Variants in ANK2 observed in about 807,000 individuals in gnomAD.
ANK2 encodes ankyrin 2.
Under a neutral mutation model 360.5 loss-of-function variants are expected in ANK2, and 83 were observed. That is an observed-to-expected ratio of 0.23 (90% CI 0.19 to 0.28). ANK2 has a LOEUF of 0.28. ANK2 is among the 10% of genes least tolerant of loss of function. The pLI is 1.00. For synonymous variants in ANK2, 1,740 were observed against 1,759.5 expected (o/e 0.99, Z 0.28); for missense variants, 4,201 against 4,795.7 (o/e 0.88, Z 3.66).
chr4:113,239,844 A>G lies in ANK2; in HGVS notation c.694-641A>G, dbSNP rs143318494. Among the ~76,000 whole-genome samples, 802 of 152,204 alleles carry G rather than the reference A, an allele frequency of 5.3e-3. 6 individuals carry two copies. The highest frequency in any genetic ancestry group is 0.018 in the African/African-American group (768 of 41,564). Reference sequence around the variant, plus strand: ...TGAGCTGAACTTTTTTCTTCCTTTTATATTCCTATTGATGCCACGTATATT... The same window carrying G: ...TGAGCTGAACTTTTTTCTTCCTTTTGTATTCCTATTGATGCCACGTATATT... On this transcript the variant is annotated intron_variant, in intron 7 of 45. Transcript: ENST00000357077.
At chr4:112,817,017 A>C (rs999641736), upstream of ANK2, among the ~76,000 whole-genome samples, 2 of 152,322 alleles carry the variant, frequency 1.3e-5, no homozygotes, top group South Asian at 2.1e-4. Context: ...TCCAAAAAAA[A>C]CAGTGAATTC....
At chr4:113,183,010 A>C (rs1342777723) in intron 2 of ANK2, among the ~76,000 whole-genome samples, 1 of 152,100 alleles carries the variant, frequency 6.6e-6, no homozygotes, top group Non-Finnish European at 1.5e-5. Context: ...GTTGATGAGA[A>C]GTGGGGATGG....
At chr4:112,851,551 G>A (rs572571750) in intron 1 of ANK2, among the ~76,000 whole-genome samples, 22 of 152,180 alleles carry the variant, frequency 1.4e-4, no homozygotes, top group Admixed American at 1.3e-3. Context: ...GGTTTCGCTA[G>A]AACTTTGTGT....
At chr4:113,135,859 T>G (rs927482028) in intron 1 of ANK2, among the ~76,000 whole-genome samples, 1 of 152,108 alleles carries the variant, frequency 6.6e-6, no homozygotes, top group African/African-American at 2.4e-5. Flanking sequence ...ACTGACAGAA[T>G]AGTAATGTGA....
chr4:112,875,083 G>C (rs1237482198), intron 1 of ANK2, among the ~76,000 whole-genome samples: 1 of 151,440 alleles, frequency 6.6e-6, no homozygotes, highest in East Asian at 1.9e-4. Context: ...TGTTGCCCAG[G>C]CGATCTTGGC....
At chr4:113,017,639 A>G (rs1013484) in intron 2 of ANK2, among the ~76,000 whole-genome samples, 30,023 of 152,098 alleles carry the variant, frequency 0.2, 3,870 homozygotes, top group East Asian at 0.39. Flanking sequence ...ATTTGCATCT[A>G]TCATTCACAC....
At chr4:113,245,192 C>G (rs926984769) in intron 9 of ANK2, among the ~76,000 whole-genome samples, 1 of 152,080 alleles carries the variant, frequency 6.6e-6, no homozygotes, top group Non-Finnish European at 1.5e-5. Flanking sequence ...ACCTATATCC[C>G]TCTTACTAAA....
chr4:112,953,810 A>G (rs1354171235), intron 2 of ANK2, among the ~76,000 whole-genome samples: 2 of 152,152 alleles, frequency 1.3e-5, no homozygotes. Flanking sequence ...TAAGCATCTC[A>G]TATATGGTGA....
At chr4:112,961,193 A>G (rs1373534988) in intron 2 of ANK2, among the ~76,000 whole-genome samples, 1 of 152,112 alleles carries the variant, frequency 6.6e-6, no homozygotes, top group Admixed American at 6.5e-5. Flanking sequence ...CAGCCTATAG[A>G]AAGTGTCTGA....
At chr4:113,215,864 T>G (rs2099079821) in intron 4 of ANK2, among the ~76,000 whole-genome samples, 1 of 152,220 alleles carries the variant, frequency 6.6e-6, no homozygotes, top group Non-Finnish European at 1.5e-5. Flanking sequence ...TTTTTCTATC[T>G]TCTATTATTT....
At chr4:113,276,499 G>A (rs1346847883) in intron 15 of ANK2, among the ~76,000 whole-genome samples, 3 of 152,120 alleles carry the variant, frequency 2.0e-5, no homozygotes, top group African/African-American at 4.8e-5. Flanking sequence ...AGGAGTTTAT[G>A]TTTTCTTCCT....
At chr4:113,321,302 A>G (rs1461420732) in intron 26 of ANK2, among the ~76,000 whole-genome samples, 1 of 152,162 alleles carries the variant, frequency 6.6e-6, no homozygotes, top group African/African-American at 2.4e-5. Context: ...CCATATACAC[A>G]TGTTCTAGAT....
At chr4:112,738,604 T>C in the ANK2 span, 1 of 502,942 alleles carries the variant, frequency 2.0e-6, no homozygotes, top group South Asian at 1.5e-5. Context: ...AATTGTGAGT[T>C]AAAAACTACA....
chr4:113,013,618 AAG>A (rs2055536926), intron 2 of ANK2, among the ~76,000 whole-genome samples: 1 of 152,214 alleles, frequency 6.6e-6, no homozygotes, highest in Non-Finnish European at 1.5e-5. Flanking sequence ...TTGCTAAATA[AAG>A]AGACATAAAA....
intron 29 of ANK2, 110 bp from the exon 30 acceptor site, chr4:113,335,736 T>C (rs2093438636): frequency 2.6e-6 from 3 of 1,139,098 alleles, no homozygotes; most frequent in Non-Finnish European, 3.9e-6. Flanking sequence ...CAAAAAAATG[T>C]GTTTTGCTGG....
At chr4:113,244,700 G>T (rs1309003439) in intron 9 of ANK2, among the ~76,000 whole-genome samples, 1 of 152,080 alleles carries the variant, frequency 6.6e-6, no homozygotes, top group Non-Finnish European at 1.5e-5. Flanking sequence ...CACGTGCCAT[G>T]GTGGTTTGCT....
the ANK2 span, among the ~76,000 whole-genome samples, chr4:112,810,375 GC>G: frequency 6.6e-6 from 1 of 151,512 alleles, no homozygotes; most frequent in East Asian, 1.9e-4. Context: ...ATAATTCTCT[GC>G]TATCTTCTGA....
the ANK2 span, among the ~76,000 whole-genome samples, chr4:112,782,624 T>C: frequency 6.6e-6 from 1 of 152,060 alleles, no homozygotes; most frequent in Non-Finnish European, 1.5e-5. Context: ...TGCAGCACTT[T>C]GGGAGGCCGA....
intron 1 of ANK2, among the ~76,000 whole-genome samples, chr4:113,057,842 G>A (rs908367719): frequency 1.3e-5 from 2 of 152,044 alleles, no homozygotes; most frequent in Non-Finnish European, 2.9e-5. Context: ...ACTTATACAG[G>A]CACTCATAAT....
Sources: gnomAD v4.1 joint callset for allele counts (sites outside exome capture counted in the v4.1 genomes callset) on GRCh38, gnomAD v4.1.1 for gene constraint, MANE v1.5 for transcripts, NCBI Gene and HGNC (gene_info 2026-07-23, HGNC 2026-07-21) for gene names.